The following UBAP2 variants were observed in gnomAD, a reference collection of about 807,000 sequenced individuals.
The protein encoded by UBAP2 is ubiquitin associated protein 2.
Under a neutral mutation model 139.6 loss-of-function variants are expected in UBAP2, and 75 were observed. The observed-to-expected ratio is 0.54, with a 90% CI of 0.45 to 0.65. UBAP2 has a LOEUF of 0.65. Ranked by LOEUF, UBAP2 falls within the 30% of genes least tolerant of loss-of-function variation. The probability of loss-of-function intolerance (pLI) is 0.00; values close to 1 mark genes in which losing one functional copy is unlikely to be tolerated. For missense variants in UBAP2, 1,368 were observed against 1,369.6 expected, an observed-to-expected ratio of 1.00 and a Z score of 0.02; for synonymous variants, 526 against 526.2, an observed-to-expected ratio of 1.00 and a Z score of 0.01.
Position 33,944,772 on chromosome 9 carries a change from T to C in UBAP2, c.1271-133A>G. 6.0e-6 allele frequency: 6 copies of C among 1,005,022 alleles called. No homozygotes were observed. In the South Asian group the frequency reaches 6.9e-5, roughly 12 times the overall value. 62.3% of individuals were successfully genotyped at this position (1,005,022 alleles called of 1,614,324 possible). ...AATTTCTTAGGTTTTACACACACTA[T>C]GTGTAACACTTCATTTATGATAAAC... On this transcript the variant is annotated intron_variant, in intron 13 of 28. Transcript: ENST00000379238.
chr9:33,936,946 A>C lies in UBAP2; in HGVS notation c.1930-1068T>G, dbSNP rs908831822. 7.9e-5 allele frequency among the ~76,000 whole-genome samples: 12 copies of C among 151,306 alleles called. No individual in the cohort carries two copies. The East Asian group carries it at 2.1e-3, about 27-fold the overall frequency. ...CAGCTCAAAAAAAAAAAAAAAAAAA[A>C]AAAAAACAGTCTGAATAGCCCTCTA... On this transcript the variant is annotated intron_variant, in intron 16 of 28. Coordinates refer to ENST00000379238, the MANE Select transcript of UBAP2 (RefSeq NM_001370062.2).
intron 7 of UBAP2, among the ~76,000 whole-genome samples, chr9:33,971,985 C>T (rs1203200255): frequency 6.6e-5 from 10 of 152,156 alleles, no homozygotes; most frequent in Admixed American, 6.5e-4. Context: ...GGTATAATAG[C>T]CTTATTTTCC....
At chr9:34,049,144 C>A (rs1827894230), upstream of UBAP2, among the ~76,000 whole-genome samples, 2 of 152,214 alleles carry the variant, frequency 1.3e-5, no homozygotes, top group East Asian at 3.8e-4. Flanking sequence ...GAGAGTATTA[C>A]CCACCGCATA....
At chr9:34,046,061 G>A (rs1259036600) in intron 1 of UBAP2, among the ~76,000 whole-genome samples, 1 of 152,048 alleles carries the variant, frequency 6.6e-6, no homozygotes, top group Non-Finnish European at 1.5e-5. Flanking sequence ...ACAACTAAGA[G>A]CTCCATTTAC....
At chr9:33,963,322 G>A (rs1290440927) in intron 9 of UBAP2, among the ~76,000 whole-genome samples, 2 of 152,118 alleles carry the variant, frequency 1.3e-5, no homozygotes, top group Non-Finnish European at 1.5e-5. Flanking sequence ...AAAGGCTCAG[G>A]TCCTAATCAT....
In UBAP2 at chr9:33,941,790, G is replaced by A; in HGVS notation, c.1788C>T (p.Thr596=). 6.2e-7 allele frequency: 1 copy of A among 1,614,084 alleles called. No individual in the cohort carries two copies. The highest frequency in any genetic ancestry group is 8.5e-7 in the Non-Finnish European group (1 of 1,179,986). The part of the protein sequence containing the change: ...QNSTYTTSVI[T]SCSLTSSSLN... ...GTGATGAGCTTGTCAGACTGCAGGA[G>A]GTAATGACGGAAGTTGTATATGTGG... Residue 596 remains threonine, a synonymous_variant, in exon 16 of 29, where the codon ACC becomes ACT. Coordinates refer to ENST00000379238, the MANE Select transcript of UBAP2 (RefSeq NM_001370062.2).
chr9:33,973,947 C>T (rs1828096120), intron 6 of UBAP2, among the ~76,000 whole-genome samples: 1 of 152,192 alleles, frequency 6.6e-6, no homozygotes, highest in Non-Finnish European at 1.5e-5. Context: ...TGGCTCACAC[C>T]TATAATCTCA....
chr9:33,960,790 A>G, intron 10 of UBAP2, 36 bp downstream of exon 10: 1 of 1,589,904 alleles, frequency 6.3e-7, no homozygotes, highest in South Asian at 1.2e-5. Flanking sequence ...CAAAAAAAAA[A>G]AAAAAGAAAG....
At chr9:34,004,974 AAAC>A (rs1450672855) in intron 2 of UBAP2, among the ~76,000 whole-genome samples, 2 of 151,462 alleles carry the variant, frequency 1.3e-5, no homozygotes, top group African/African-American at 4.8e-5. Context: ...ATCCCATTGA[AAAC>A]AACAGTCGGG....
At chr9:33,970,343 C>T (rs557789914) in intron 8 of UBAP2, among the ~76,000 whole-genome samples, 119 of 152,154 alleles carry the variant, frequency 7.8e-4, no homozygotes, top group African/African-American at 2.7e-3. Context: ...ACCCTCTTTA[C>T]AGTTTCTCTA....
intron 12 of UBAP2, chr9:33,948,799 T>G (rs1439072164): frequency 2.1e-6 from 1 of 475,662 alleles, no homozygotes; most frequent in East Asian, 3.3e-5. Flanking sequence ...CATTCTGACA[T>G]AAGAAGTTAA....
chr9:33,999,512 T>C (rs1040253304), intron 2 of UBAP2, among the ~76,000 whole-genome samples: 5 of 152,184 alleles, frequency 3.3e-5, no homozygotes, highest in Non-Finnish European at 5.9e-5. Flanking sequence ...AAAAGCTGTA[T>C]TTAGCTAAAT....
intron 1 of UBAP2, among the ~76,000 whole-genome samples, chr9:34,028,289 GAATT>G (rs1825584851): frequency 6.6e-6 from 1 of 151,942 alleles, no homozygotes; most frequent in South Asian, 2.1e-4. Flanking sequence ...GCCACGAAGG[GAATT>G]AATTGCCCAT....
chr9:33,941,901 T>C (rs201000373), intron 15 of UBAP2, 39 bp from the exon 16 acceptor site: 1 of 1,449,098 alleles, frequency 6.9e-7, no homozygotes, highest in Non-Finnish European at 9.5e-7. Context: ...ATTTTGTTAC[T>C]TTAAATAGCT....
At chr9:34,021,726 C>T (rs1365535684) in intron 1 of UBAP2, among the ~76,000 whole-genome samples, 1 of 151,038 alleles carries the variant, frequency 6.6e-6, no homozygotes, top group African/African-American at 2.4e-5. Flanking sequence ...CTCCGTCTCC[C>T]GGGTTCAGGC....
chr9:34,014,744 G>T (rs1476767684), intron 2 of UBAP2, among the ~76,000 whole-genome samples: 1 of 141,738 alleles, frequency 7.1e-6, no homozygotes, highest in Non-Finnish European at 1.5e-5. Flanking sequence ...GGAGTGAGCC[G>T]AGACTGGCCA....
chr9:33,926,264 T>A (rs1823420966), intron 22 of UBAP2, among the ~76,000 whole-genome samples: 1 of 152,128 alleles, frequency 6.6e-6, no homozygotes, highest in Non-Finnish European at 1.5e-5. Context: ...CAGGGCCACG[T>A]AAGCAACCTC....
At chr9:33,936,175 G>T (rs952993586) in intron 16 of UBAP2, among the ~76,000 whole-genome samples, 2 of 152,082 alleles carry the variant, frequency 1.3e-5, no homozygotes, top group African/African-American at 4.8e-5. Flanking sequence ...TAGAGATGGG[G>T]TTTTGCCATG....
At chr9:33,992,389 CAAAAAA>C (rs33969994) in intron 4 of UBAP2, among the ~76,000 whole-genome samples, 6 of 80,024 alleles carry the variant, frequency 7.5e-5, no homozygotes, top group Middle Eastern at 7.8e-3. Flanking sequence ...AACTCCATCT[CAAAAAA>C]AAAAAAAAAA....
Sources: gnomAD v4.1 joint callset for allele counts (sites outside exome capture counted in the v4.1 genomes callset) on GRCh38, gnomAD v4.1.1 for gene constraint, MANE v1.5 for transcripts, NCBI Gene and HGNC (gene_info 2026-07-23, HGNC 2026-07-21) for gene names.